SPATA16: variants seen among roughly 807,000 people sequenced by gnomAD.
SPATA16 encodes the protein spermatogenesis associated 16.
A neutral mutation model predicts 63.3 loss-of-function variants in SPATA16; 36 were observed. That is an observed-to-expected ratio of 0.57 (90% confidence interval 0.44 to 0.75). The LOEUF (loss-of-function observed/expected upper bound fraction) is 0.75. Ranked by LOEUF, SPATA16 falls within the 30% of genes least tolerant of loss-of-function variation. SPATA16 has a pLI of 0.00. For missense variants in SPATA16, 646 were observed against 679.3 expected (o/e 0.95, Z 0.54); for synonymous variants, 203 against 216.7 (o/e 0.94, Z 0.56).
intron 4 of SPATA16, among the ~76,000 whole-genome samples, chr3:172,984,789 T>C (rs1418956058): frequency 1.3e-5 from 2 of 152,152 alleles, no homozygotes; most frequent in African/African-American, 4.8e-5. Context: ...TTTCAAATAT[T>C]GCCTGTTCCT....
chr3:173,067,453 T>C (rs1485033267), intron 2 of SPATA16, among the ~76,000 whole-genome samples: 1 of 152,166 alleles, frequency 6.6e-6, no homozygotes, highest in Non-Finnish European at 1.5e-5. Flanking sequence ...AGATGGAGAA[T>C]GGGAGGAGGG....
chr3:173,118,717 G>T (rs538102860), intron 1 of SPATA16, among the ~76,000 whole-genome samples: 3 of 152,266 alleles, frequency 2.0e-5, no homozygotes, highest in South Asian at 4.1e-4. Flanking sequence ...GGTCACATTG[G>T]TTGGTCATTA....
rs909838858 is a variant in SPATA16, at chr3:173,108,543, A to G, written c.612+8577T>C. ...AAATACCAATGTTCCAGGAATGATC[A>G]TTGCCTGGACCCCAGATAATTGTAC... On this transcript the variant is annotated intron_variant, in intron 2 of 10. Coordinates refer to ENST00000351008, the MANE Select transcript of SPATA16 (RefSeq NM_031955.6). Among the ~76,000 whole-genome samples the G allele has an allele frequency of 5.9e-5, 9 of 152,136 alleles. No homozygotes were observed. In the South Asian group the frequency reaches 6.2e-4, roughly 11 times the overall value.
At chr3:172,938,278 C>T (rs947666733) in intron 6 of SPATA16, among the ~76,000 whole-genome samples, 4 of 151,984 alleles carry the variant, frequency 2.6e-5, no homozygotes. Flanking sequence ...GGACTTGTCC[C>T]CGTGATTTGG....
chr3:173,020,253 C>T (rs1165445086), intron 3 of SPATA16, among the ~76,000 whole-genome samples: 1 of 151,418 alleles, frequency 6.6e-6, no homozygotes. Flanking sequence ...GATCGCGCCA[C>T]TGCACTCCAG....
chr3:172,987,202 G>A (rs957062508), intron 4 of SPATA16, among the ~76,000 whole-genome samples: 4 of 152,164 alleles, frequency 2.6e-5, no homozygotes, highest in South Asian at 2.1e-4. Flanking sequence ...TAATGGGCTC[G>A]GCCTGAAGCC....
At chr3:173,067,583 C>A (rs529048278) in intron 2 of SPATA16, among the ~76,000 whole-genome samples, 1 of 151,634 alleles carries the variant, frequency 6.6e-6, no homozygotes, top group Non-Finnish European at 1.5e-5. Context: ...CGCATACCCC[C>A]GAACCTAAAA....
intron 10 of SPATA16, among the ~76,000 whole-genome samples, chr3:172,911,105 ACTT>A (rs1732362525): frequency 6.6e-6 from 1 of 152,184 alleles, no homozygotes; most frequent in South Asian, 2.1e-4. Flanking sequence ...CTTCTTGTTT[ACTT>A]CTGTCTGCTT....
rs1414168485 is a variant in SPATA16, at chr3:172,956,662, G to A, written c.1081+15C>T. On this transcript the variant is annotated intron_variant, in intron 6 of 10. Transcript: ENST00000351008. ...ACAAAATATCAGCTGATAACTTGAA[G>A]ATATTGAATCTTACCTGTGTACATA... 1 of 1,607,750 alleles carries A rather than the reference G, an allele frequency of 6.2e-7. No homozygotes were observed. The highest frequency in any genetic ancestry group is 8.5e-7 in the Non-Finnish European group (1 of 1,177,468).
chr3:173,065,591 G>A (rs1231851591), intron 2 of SPATA16, among the ~76,000 whole-genome samples: 1 of 152,188 alleles, frequency 6.6e-6, no homozygotes, highest in Non-Finnish European at 1.5e-5. Flanking sequence ...CAGTATCATG[G>A]AGAGCAGTAT....
intron 2 of SPATA16, among the ~76,000 whole-genome samples, chr3:173,059,974 T>A (rs1004981324): frequency 6.6e-6 from 1 of 151,486 alleles, no homozygotes; most frequent in Non-Finnish European, 1.5e-5. Flanking sequence ...AAAACAGAGC[T>A]GGCTGGGCAC....
chr3:172,929,878 C>T (rs1732828675), intron 6 of SPATA16, among the ~76,000 whole-genome samples: 2 of 152,184 alleles, frequency 1.3e-5, no homozygotes, highest in South Asian at 2.1e-4. Flanking sequence ...ATAATCTCTA[C>T]AACTTCTCTT....
intron 2 of SPATA16, among the ~76,000 whole-genome samples, chr3:173,080,865 A>G (rs1472850747): frequency 5.9e-5 from 9 of 152,190 alleles, no homozygotes; most frequent in Admixed American, 5.9e-4. Context: ...CTTGATGTCC[A>G]AAAAATTATC....
chr3:173,020,300 A>G (rs1735297004), intron 3 of SPATA16, among the ~76,000 whole-genome samples: 1 of 152,128 alleles, frequency 6.6e-6, no homozygotes, highest in Non-Finnish European at 1.5e-5. Flanking sequence ...CTCAGAAAAA[A>G]AAAAAAAAGA....
chr3:173,049,536 C>T (rs1273267456), intron 2 of SPATA16, among the ~76,000 whole-genome samples: 1 of 152,106 alleles, frequency 6.6e-6, no homozygotes, highest in Non-Finnish European at 1.5e-5. Flanking sequence ...TGATCTAGCA[C>T]ACTATCAAGT....
At chr3:173,049,439 A>C (rs1298721326) in intron 2 of SPATA16, among the ~76,000 whole-genome samples, 2 of 152,186 alleles carry the variant, frequency 1.3e-5, no homozygotes, top group Non-Finnish European at 2.9e-5. Context: ...TTTAAAAATA[A>C]AGCACACAAT....
Position 172,937,731 on chromosome 3 carries a change from G to A in SPATA16, c.1082-12239C>T, listed in dbSNP as rs1024805706. Among the ~76,000 whole-genome samples, 3 of 152,194 alleles carry A rather than the reference G, an allele frequency of 2.0e-5. 1 individual carries two copies. On this transcript the variant is annotated intron_variant, in intron 6 of 10. Transcript: ENST00000351008. ...GGTATATTTTATTTTGTAGATCAGT[G>A]TCATCAGCTTCCTTTACTAAAATGC...
intron 4 of SPATA16, among the ~76,000 whole-genome samples, chr3:173,017,656 AT>A (rs1181286445): frequency 2.6e-5 from 4 of 152,260 alleles, no homozygotes; most frequent in Admixed American, 2.0e-4. Context: ...ATATTTAACA[AT>A]TTGATCTTTA....
intron 2 of SPATA16, among the ~76,000 whole-genome samples, chr3:173,070,234 A>C (rs1035269083): frequency 2.6e-5 from 4 of 152,002 alleles, no homozygotes; most frequent in African/African-American, 9.7e-5. Flanking sequence ...ATCTCTACTA[A>C]AAATACAAAA....
Sources: allele counts gnomAD v4.1 joint callset (sites outside exome capture counted in the v4.1 genomes callset), GRCh38; gene constraint gnomAD v4.1.1; transcripts MANE v1.5; gene names NCBI Gene and HGNC (gene_info 2026-07-23, HGNC 2026-07-21).